The following DMD variants were observed in gnomAD, a reference collection of about 807,000 sequenced individuals.
The protein encoded by DMD is dystrophin.
A neutral mutation model predicts 330.1 loss-of-function variants in DMD; 63 were observed. The observed-to-expected ratio is 0.19, with a 90% CI of 0.16 to 0.24. The LOEUF (loss-of-function observed/expected upper bound fraction) is 0.24, where lower values mean the gene tolerates loss of function less well. DMD is among the 10% of genes least tolerant of loss of function. DMD has a pLI of 1.00. For synonymous variants in DMD, 1,223 were observed against 959.8 expected (o/e 1.27, Z -5.07); for missense variants, 3,344 against 2,684.1 (o/e 1.25, Z -5.43).
chrX:31,375,800 T>A (rs2059855235), intron 60 of DMD, among the ~76,000 whole-genome samples: 1 of 111,820 alleles, frequency 8.9e-6, no homozygotes, highest in South Asian at 3.7e-4. Flanking sequence ...AACATGAATA[T>A]ACTTAACATT....
intron 56 of DMD, among the ~76,000 whole-genome samples, chrX:31,505,337 A>G (rs2070828926): frequency 9.0e-6 from 1 of 111,630 alleles, no homozygotes; most frequent in Admixed American, 9.5e-5. Context: ...CACAAAATTC[A>G]TATACAAAAT....
At chrX:33,121,471 A>G (rs1011463911) in intron 1 of DMD, among the ~76,000 whole-genome samples, 2 of 111,192 alleles carry the variant, frequency 1.8e-5, no homozygotes, top group Non-Finnish European at 3.8e-5. Flanking sequence ...GACCTCAAGT[A>G]ATCCGCCCAC....
chrX:31,576,086 G>C (rs947207133), intron 55 of DMD, among the ~76,000 whole-genome samples: 1 of 111,592 alleles, frequency 9.0e-6, no homozygotes, highest in Admixed American at 9.5e-5. Flanking sequence ...GACTTCTCAC[G>C]CACCTTTTAC....
intron 47 of DMD, among the ~76,000 whole-genome samples, chrX:31,879,455 A>G (rs1342769499): frequency 8.9e-6 from 1 of 111,805 alleles, no homozygotes; most frequent in East Asian, 2.8e-4. Context: ...GTGGGGACAC[A>G]GCCAAACCAT....
Position 31,522,357 on chromosome X carries a change from C to CTA in DMD, c.8218-14905_8218-14904insTA, listed in dbSNP as rs1205735701. 5.4e-3 allele frequency among the ~76,000 whole-genome samples: 311 copies of CTA among 57,535 alleles called. 1 individual carries two copies. Among genetic ancestry groups the CTA allele is most frequent in the Non-Finnish European group, 6.7e-3 (232 of 34,452 alleles). The allele number at this position is 57,535 out of a possible 115,157, so 50.0% of individuals were successfully genotyped here. Reference sequence around the variant, plus strand: ...TCTCTCTCTCTCTCTCTCTCTCTCTCTCTCTCTATATATATATATATATAT... The same window carrying CTA: ...TCTCTCTCTCTCTCTCTCTCTCTCTCTATCTCTCTATATATATATATATATAT... On this transcript the variant is annotated intron_variant, in intron 55 of 78. Coordinates refer to ENST00000357033, the MANE Select transcript of DMD (RefSeq NM_004006.3).
intron 37 of DMD, among the ~76,000 whole-genome samples, chrX:32,358,862 T>A (rs2147184354): frequency 8.9e-6 from 1 of 112,028 alleles, no homozygotes; most frequent in South Asian, 3.7e-4. Context: ...ATTAATTATT[T>A]TTAACCATTT....
rs2052664134 is a variant in DMD at position 32,573,516 on chromosome X, T to C, written c.1812+14A>G. ...GGGTTTTTATAAGACCATTGAAAGC[T>C]AGAAAGTACATACGGCCAGTTTTTG... On this transcript the variant is annotated intron_variant, in intron 15 of 78. Transcript: ENST00000357033. The C allele has an allele frequency of 5.1e-6, 6 of 1,186,268 alleles. No individual in the cohort carries two copies. The highest frequency in any genetic ancestry group is 6.9e-6 in the Non-Finnish European group (6 of 873,981).
At chrX:32,608,802 T>C (rs999438126) in intron 12 of DMD, among the ~76,000 whole-genome samples, 2 of 110,740 alleles carry the variant, frequency 1.8e-5, no homozygotes, top group Non-Finnish European at 3.8e-5. Flanking sequence ...TTTCAGATTA[T>C]AGTGTTTATC....
chrX:32,491,706 C>T (rs374073691), intron 19 of DMD, among the ~76,000 whole-genome samples, 188 bp from the exon 20 acceptor site: 1 of 111,235 alleles, frequency 9.0e-6, no homozygotes, highest in Non-Finnish European at 1.9e-5. Flanking sequence ...ATCAGACTTG[C>T]GTCACAACAA....
intron 1 of DMD, among the ~76,000 whole-genome samples, chrX:33,338,459 C>A (rs2054287164): frequency 1.3e-5 from 1 of 75,938 alleles, no homozygotes; most frequent in Non-Finnish European, 2.7e-5. Context: ...CATTAAAGGG[C>A]AAAATAAATA....
chrX:32,777,016 C>T (rs1282645882), intron 7 of DMD, among the ~76,000 whole-genome samples: 1 of 108,663 alleles, frequency 9.2e-6, no homozygotes, highest in Non-Finnish European at 1.9e-5. Context: ...AAAAGTATAT[C>T]CAGTTTTATA....
intron 55 of DMD, among the ~76,000 whole-genome samples, chrX:31,536,824 C>G (rs1448737686): frequency 9.0e-6 from 1 of 111,102 alleles, no homozygotes. Flanking sequence ...TATTGATTAT[C>G]TCTAATTTCT....
intron 18 of DMD, among the ~76,000 whole-genome samples, chrX:32,512,855 T>C (rs998926959): frequency 3.6e-5 from 4 of 111,599 alleles, no homozygotes; most frequent in South Asian, 3.8e-4. Context: ...TGTTACATGA[T>C]AGGGGGCATC....
rs1013867211 is a variant in DMD, at chrX:32,478,639, C to T, written c.2803+6280G>A. ...TAAGTTGTTTCCTTAGTTTGAAATA[C>T]AAGGATCTTTGTGATTGGGAATTCA... On this transcript the variant is annotated intron_variant, in intron 21 of 78. Transcript: ENST00000357033. Among the ~76,000 whole-genome samples, 6 of 111,727 alleles carry T rather than the reference C, an allele frequency of 5.4e-5. No homozygotes were observed. In the East Asian group the frequency reaches 8.4e-4, roughly 16 times the overall value.
At chrX:33,077,244 T>G (rs761137344) in intron 1 of DMD, among the ~76,000 whole-genome samples, 57 of 111,236 alleles carry the variant, frequency 5.1e-4, no homozygotes, top group African/African-American at 1.7e-3. Context: ...AAGAAGGAAT[T>G]TTGCTCTGGG....
At chrX:32,250,554 C>T (rs991694376) in intron 43 of DMD, among the ~76,000 whole-genome samples, 1 of 112,126 alleles carries the variant, frequency 8.9e-6, no homozygotes, top group African/African-American at 3.2e-5. Flanking sequence ...TGACACAAAA[C>T]ATTTTTCTTG....
intron 29 of DMD, among the ~76,000 whole-genome samples, chrX:32,429,729 C>T (rs1336221594): frequency 9.1e-6 from 1 of 109,314 alleles, no homozygotes; most frequent in Non-Finnish European, 1.9e-5. Flanking sequence ...AGCATAAAGT[C>T]GACATTTAAT....
chrX:32,844,406 C>CAAAAAAAA (rs113585554), intron 4 of DMD, among the ~76,000 whole-genome samples: 1 of 74,040 alleles, frequency 1.4e-5, no homozygotes, highest in East Asian at 4.6e-4. Flanking sequence ...GACTCCATCT[C>CAAAAAAAA]AAAAAAAAAA....
intron 61 of DMD, among the ~76,000 whole-genome samples, chrX:31,345,568 T>C: frequency 1.8e-5 from 2 of 111,670 alleles, no homozygotes; most frequent in Non-Finnish European, 1.9e-5. Flanking sequence ...GTAATTAATA[T>C]TCATAATAGT....
Sources: gnomAD v4.1 joint callset for allele counts (sites outside exome capture counted in the v4.1 genomes callset) on GRCh38, gnomAD v4.1.1 for gene constraint, MANE v1.5 for transcripts, NCBI Gene and HGNC (gene_info 2026-07-23, HGNC 2026-07-21) for gene names.